Variants in TP53BP2 observed in about 807,000 individuals in gnomAD.
The protein encoded by TP53BP2 is apoptosis-stimulating of p53 protein 2.
TP53BP2 carries 62 observed loss-of-function variants against 126.2 expected under a neutral mutation model. The observed-to-expected ratio is 0.49, with a 90% CI of 0.40 to 0.61. TP53BP2 has a LOEUF of 0.61. TP53BP2 is among the 20% of genes least tolerant of loss of function. The pLI is 0.00. For missense variants in TP53BP2, 1,215 were observed against 1,402.8 expected (o/e 0.87, Z 2.14); for synonymous variants, 485 against 502.9 (o/e 0.96, Z 0.48).
chr1:223,840,813 A>C (rs1423412931), intron 1 of TP53BP2, among the ~76,000 whole-genome samples: 3 of 152,248 alleles, frequency 2.0e-5, no homozygotes, highest in Non-Finnish European at 2.9e-5. Context: ...CTTAATTGTT[A>C]AATATAAGCA....
intron 13 of TP53BP2, among the ~76,000 whole-genome samples, chr1:223,794,066 T>C (rs1255145321): frequency 6.6e-6 from 1 of 152,042 alleles, no homozygotes; most frequent in East Asian, 1.9e-4. Context: ...GGGGAAAGCA[T>C]ATAATTAAGG....
At chr1:223,802,009 A>G in intron 9 of TP53BP2, 107 bp downstream of exon 9, 2 of 1,130,120 alleles carry the variant, frequency 1.8e-6, no homozygotes, top group Non-Finnish European at 2.5e-6. Flanking sequence ...AAGGATTTTT[A>G]GAATTCAAAC....
intron 17 of TP53BP2, 73 bp downstream of exon 17, chr1:223,784,042 A>G (rs1236007220): frequency 6.7e-6 from 9 of 1,348,862 alleles, no homozygotes; most frequent in South Asian, 1.2e-5. Context: ...CACTGTACAC[A>G]TAACATACAG....
chr1:223,819,569 C>A (rs955307979), intron 2 of TP53BP2, among the ~76,000 whole-genome samples: 4 of 151,792 alleles, frequency 2.6e-5, no homozygotes, highest in Non-Finnish European at 4.4e-5. Context: ...GCCTGTAGTC[C>A]CAGCTACTCG....
chr1:223,810,899 CA>C (rs1404127224), intron 3 of TP53BP2, among the ~76,000 whole-genome samples: 7 of 152,128 alleles, frequency 4.6e-5, no homozygotes, highest in Non-Finnish European at 8.8e-5. Flanking sequence ...AGAAAAACTT[CA>C]CTGAAATAGT....
chr1:223,844,865 G>A (rs536751885), intron 1 of TP53BP2, among the ~76,000 whole-genome samples: 1 of 152,352 alleles, frequency 6.6e-6, no homozygotes, highest in African/African-American at 2.4e-5. Context: ...CAGTGGGAGA[G>A]GTGCAAATAC....
chr1:223,819,832 AGCATCTACTAGGTACAAG>A (rs1226094720), intron 2 of TP53BP2, among the ~76,000 whole-genome samples: 8 of 152,224 alleles, frequency 5.3e-5, no homozygotes. Context: ...ATATTTCTAC[AGCATCTACTAGGTACAAG>A]GCACTCCCCT....
At chr1:223,811,851 A>G (rs1169735735) in intron 3 of TP53BP2, among the ~76,000 whole-genome samples, 1 of 152,234 alleles carries the variant, frequency 6.6e-6, no homozygotes, top group Admixed American at 6.5e-5. Flanking sequence ...GACAACGTGA[A>G]AACAGCTCCT....
At chr1:223,799,689 A>G (rs1662465459) in intron 11 of TP53BP2, among the ~76,000 whole-genome samples, 1 of 152,216 alleles carries the variant, frequency 6.6e-6, no homozygotes, top group African/African-American at 2.4e-5. Context: ...ATATGACCCA[A>G]AACAAGCATG....
chr1:223,845,174 G>C, intron 1 of TP53BP2: 4 of 906,318 alleles, frequency 4.4e-6, no homozygotes, highest in Non-Finnish European at 5.3e-6. Context: ...AGAGGTAAGG[G>C]TGACTTAGCT....
At chr1:223,805,952 C>G (rs1209116994) in intron 5 of TP53BP2, among the ~76,000 whole-genome samples, 7 of 152,182 alleles carry the variant, frequency 4.6e-5, no homozygotes, top group Admixed American at 4.6e-4. Context: ...AGAGAAAGGT[C>G]TGTTGGCTTT....
At chr1:223,837,619 A>C (rs1663965636) in intron 1 of TP53BP2, among the ~76,000 whole-genome samples, 1 of 151,234 alleles carries the variant, frequency 6.6e-6, no homozygotes, top group African/African-American at 2.4e-5. Context: ...GTAAAAAATA[A>C]AAAATAAATA....
intron 17 of TP53BP2, among the ~76,000 whole-genome samples, chr1:223,781,167 A>T (rs535450883): frequency 1.3e-5 from 2 of 152,352 alleles, no homozygotes; most frequent in South Asian, 4.1e-4. Context: ...TCTAGGTATT[A>T]ACTCAATCTG....
At chr1:223,799,378 G>A (rs1232395334) in intron 11 of TP53BP2, among the ~76,000 whole-genome samples, 1 of 151,916 alleles carries the variant, frequency 6.6e-6, no homozygotes, top group African/African-American at 2.4e-5. Flanking sequence ...TTCCTATCTG[G>A]GCAATTTTAA....
intron 15 of TP53BP2, among the ~76,000 whole-genome samples, chr1:223,789,883 A>T (rs1662090708): frequency 6.6e-6 from 1 of 152,142 alleles, no homozygotes. Context: ...CCACTGTCCA[A>T]ACTCAGAAGT....
chr1:223,785,102 T>C (rs766372629), intron 16 of TP53BP2, among the ~76,000 whole-genome samples: 2 of 152,016 alleles, frequency 1.3e-5, no homozygotes, highest in Non-Finnish European at 2.9e-5. Context: ...TGGCAGGCAA[T>C]AGGAAAAAAG....
In TP53BP2 at chr1:223,798,280, T is replaced by C; in HGVS notation, c.1883A>G (p.Asn628Ser). ...CGCGCTCTGCACAGCCTGCTGGAAG[T>C]TTTTTCCTGGCGCCTGCTGTTGCGT... The part of the protein sequence containing the change: ...MYTQQQAPGK[N>S]FQQAVQSALT... Residue 628 changes from asparagine to serine, a missense_variant, in exon 12 of 18, where the codon AAC becomes AGC. Asn to Ser is a conservative substitution (Grantham distance 46). This residue lies in a region of TP53BP2 where 814 missense variants were observed against 853.0 expected (regional missense o/e 0.95). Transcript: ENST00000343537. The C allele has an allele frequency of 1.2e-6, 2 of 1,614,100 alleles. No individual in the cohort carries two copies. Among genetic ancestry groups the C allele is most frequent in the Non-Finnish European group, 1.7e-6 (2 of 1,180,002 alleles).
chr1:223,822,933 T>C (rs1663363550), intron 1 of TP53BP2, among the ~76,000 whole-genome samples: 1 of 152,132 alleles, frequency 6.6e-6, no homozygotes, highest in Non-Finnish European at 1.5e-5. Context: ...GATTAAAAAA[T>C]AATAATTTGA....
intron 2 of TP53BP2, among the ~76,000 whole-genome samples, chr1:223,818,685 C>T (rs1482568864): frequency 6.6e-6 from 1 of 150,998 alleles, no homozygotes; most frequent in African/African-American, 2.4e-5. Flanking sequence ...AGGGATTCTC[C>T]TGCCTCAGCC....
Sources: gnomAD v4.1 joint callset for allele counts (sites outside exome capture counted in the v4.1 genomes callset) on GRCh38, gnomAD v4.1.1 for gene constraint, gnomAD v4.1.1 regional missense constraint, MANE v1.5 for transcripts, NCBI Gene and HGNC (gene_info 2026-07-23, HGNC 2026-07-21) for gene names.